The following METTL15 variants were observed in gnomAD, a reference collection of about 807,000 sequenced individuals.
METTL15 encodes methyltransferase 15, mitochondrial 12S rRNA N4-cytidine, also known as 12S rRNA N(4)-cytidine methyltransferase METTL15.
METTL15 carries 34 observed loss-of-function variants against 38.3 expected under a neutral mutation model. That is an observed-to-expected ratio of 0.89 (90% CI 0.68 to 1.18). The LOEUF (loss-of-function observed/expected upper bound fraction) is 1.18. Ranked by LOEUF, METTL15 falls within the 50% of genes most tolerant of loss-of-function variation. The probability of loss-of-function intolerance (pLI) is 0.00; values close to 1 mark genes in which losing one functional copy is unlikely to be tolerated. For synonymous variants in METTL15, 162 were observed against 170.9 expected (o/e 0.95, Z 0.41); for missense variants, 438 against 498.4 (o/e 0.88, Z 1.15).
chr11:28,236,980 C>T (rs910549052), intron 4 of METTL15, among the ~76,000 whole-genome samples: 3 of 152,112 alleles, frequency 2.0e-5, no homozygotes, highest in African/African-American at 4.8e-5. Flanking sequence ...AGCTGTTAGT[C>T]TGATGGGTTT....
At chr11:28,138,169 G>T (rs556266366) in intron 3 of METTL15, among the ~76,000 whole-genome samples, 1 of 152,050 alleles carries the variant, frequency 6.6e-6, no homozygotes, top group South Asian at 2.1e-4. Flanking sequence ...TTCTCGCCAG[G>T]TGTCCTAGGC....
At chr11:28,272,006 AACCACAATGAGAT>A (rs1259136242) in intron 4 of METTL15, among the ~76,000 whole-genome samples, 1 of 152,224 alleles carries the variant, frequency 6.6e-6, no homozygotes, top group Admixed American at 6.5e-5. Flanking sequence ...TGCAAATCAA[AACCACAATGAGAT>A]ACCATTTCAC....
intron 6 of METTL15, among the ~76,000 whole-genome samples, chr11:28,309,207 T>C (rs1020540921): frequency 6.6e-6 from 1 of 152,224 alleles, no homozygotes; most frequent in African/African-American, 2.4e-5. Flanking sequence ...CTTACAGTAA[T>C]ATCTGGCTTC....
chr11:28,442,025 G>A (rs982127526), intron 6 of METTL15, among the ~76,000 whole-genome samples: 5 of 152,156 alleles, frequency 3.3e-5, no homozygotes, highest in Admixed American at 2.0e-4. Flanking sequence ...GTGGACATAC[G>A]GAAGTTGATA....
chr11:28,277,785 A>G (rs1179839703), intron 4 of METTL15, among the ~76,000 whole-genome samples: 1 of 152,198 alleles, frequency 6.6e-6, no homozygotes, highest in Non-Finnish European at 1.5e-5. Flanking sequence ...CTTATTTGAA[A>G]TAAGCTGGGC....
chr11:28,367,778 A>G (rs896590843), intron 5 of METTL15, among the ~76,000 whole-genome samples: 5 of 152,152 alleles, frequency 3.3e-5, no homozygotes, highest in Admixed American at 6.6e-5. Flanking sequence ...ACAGAGGCCT[A>G]AGAAATAACA....
At chr11:28,463,118 T>C (rs1257087987) in intron 6 of METTL15, among the ~76,000 whole-genome samples, 1 of 152,146 alleles carries the variant, frequency 6.6e-6, no homozygotes, top group Non-Finnish European at 1.5e-5. Flanking sequence ...GGTGAAGATG[T>C]ATCACAGATA....
intron 4 of METTL15, among the ~76,000 whole-genome samples, chr11:28,217,229 T>C (rs908869089): frequency 5.3e-5 from 8 of 151,588 alleles, no homozygotes; most frequent in Admixed American, 2.6e-4. Flanking sequence ...ACCTGTTGTT[T>C]CCTGACTTTT....
At chr11:28,391,753 G>T (rs1295035265) in intron 5 of METTL15, among the ~76,000 whole-genome samples, 9 of 152,136 alleles carry the variant, frequency 5.9e-5, no homozygotes, top group African/African-American at 1.9e-4. Flanking sequence ...GGGAAAACTG[G>T]CTAGCCATAT....
At chr11:28,501,673 A>G (rs1489173544) in intron 6 of METTL15, among the ~76,000 whole-genome samples, 3 of 152,204 alleles carry the variant, frequency 2.0e-5, no homozygotes, top group Non-Finnish European at 4.4e-5. Flanking sequence ...TGCAAACTTC[A>G]GCCTGGAATG....
chr11:28,436,336 T>C (rs548316792), intron 6 of METTL15, among the ~76,000 whole-genome samples: 1 of 152,346 alleles, frequency 6.6e-6, no homozygotes, highest in East Asian at 1.9e-4. Flanking sequence ...CAGTTTGCTA[T>C]TGTGCATTAT....
intron 4 of METTL15, among the ~76,000 whole-genome samples, chr11:28,244,246 G>T (rs1440139035): frequency 1.3e-5 from 2 of 152,240 alleles, no homozygotes; most frequent in East Asian, 3.9e-4. Context: ...TCTTTGCCTG[G>T]TAAGTGTATG....
chr11:28,161,107 C>CTT (rs10660185), intron 3 of METTL15, among the ~76,000 whole-genome samples: 46,483 of 128,752 alleles, frequency 0.36, 6,786 homozygotes, highest in Admixed American at 0.44. Flanking sequence ...TTGCACCTTC[C>CTT]TTTTTTTTTT....
At chr11:28,206,487 A>G (rs1428193044) in intron 3 of METTL15, among the ~76,000 whole-genome samples, 3 of 152,082 alleles carry the variant, frequency 2.0e-5, no homozygotes, top group Non-Finnish European at 4.4e-5. Flanking sequence ...TGGTACCAGT[A>G]CCATGCTGTT....
At chr11:28,488,435 CT>C (rs1851455099) in intron 6 of METTL15, among the ~76,000 whole-genome samples, 1 of 152,222 alleles carries the variant, frequency 6.6e-6, no homozygotes, top group African/African-American at 2.4e-5. Flanking sequence ...TTTCCTGTCA[CT>C]TCCACTTTCT....
chr11:28,211,043 C>A lies in METTL15; in HGVS notation c.271-19C>A, dbSNP rs768379763. ...TTTGTTTATGCTAAGTTGTAATTTT[C>A]TTTTTCTGTGTTTGCTAGATTTTTC... is the stretch of plus-strand genomic sequence containing the variant. On this transcript the variant is annotated intron_variant, in intron 3 of 6. Coordinates refer to ENST00000407364, the MANE Select transcript of METTL15 (RefSeq NM_001113528.2). The A allele has an allele frequency of 1.1e-5, 17 of 1,592,730 alleles. No homozygotes were observed. The South Asian group carries it at 1.9e-4, about 18-fold the overall frequency.
rs2134066867 is a variant in METTL15 at position 28,332,073 on chromosome 11, T to C, written c.*1232T>C. ...TGAATGAAATATCAGCATAACTATG[T>C]GGGCAAAATAGATAGAATTAAATGC... On this transcript the variant is annotated 3_prime_UTR_variant, in exon 7 of 7. Coordinates refer to ENST00000407364, the MANE Select transcript of METTL15 (RefSeq NM_001113528.2). The C allele has an allele frequency of 6.7e-6, 1 of 150,234 alleles. No individual in the cohort carries two copies. Among genetic ancestry groups the C allele is most frequent in the African/African-American group, 2.5e-5 (1 of 40,570 alleles). The allele number at this position is 150,234 out of a possible 1,614,324, so 9.3% of individuals were successfully genotyped here. A position where few individuals can be genotyped will look rare whatever the true frequency, so the allele number is the denominator to read the frequency against.
chr11:28,254,759 A>G (rs984991824), intron 4 of METTL15, among the ~76,000 whole-genome samples: 9 of 152,094 alleles, frequency 5.9e-5, no homozygotes, highest in African/African-American at 2.2e-4. Flanking sequence ...TATTTCTTGG[A>G]AACTTTGTGT....
At position 28,330,420 on chromosome 11, in the gene METTL15, A is replaced by C; in HGVS notation, c.803A>C (p.Tyr268Ser). The change falls in exon 7 of 7, where the codon TAT (tyrosine) becomes TCT (serine). Residue 268 changes from tyrosine to serine, a missense_variant. Transcript: ENST00000407364. Reference protein sequence around the residue: ...VAGAFPPSAIYTRKDLLQRST... With the variant: ...VAGAFPPSAISTRKDLLQRST... ...GGAGCATTTCCTCCCTCTGCTATTT[A>C]TACACGGAAAGACTTACTACAGCGA... 2 of 1,547,732 alleles carry C rather than the reference A, an allele frequency of 1.3e-6. No individual in the cohort carries two copies. Among genetic ancestry groups the C allele is most frequent in the Non-Finnish European group, 1.7e-6 (2 of 1,145,850 alleles).
Sources: gnomAD v4.1 joint callset for allele counts (sites outside exome capture counted in the v4.1 genomes callset) on GRCh38, gnomAD v4.1.1 for gene constraint, MANE v1.5 for transcripts, NCBI Gene and HGNC (gene_info 2026-07-23, HGNC 2026-07-21) for gene names.